GSG1L: variants seen among roughly 807,000 people sequenced by gnomAD.
GSG1L encodes the protein GSG1 like.
A neutral mutation model predicts 42.1 loss-of-function variants in GSG1L; 24 were observed. That is an observed-to-expected ratio of 0.57 (90% confidence interval 0.41 to 0.80). The LOEUF (loss-of-function observed/expected upper bound fraction) is 0.80, where lower values mean the gene tolerates loss of function less well. Ranked by LOEUF, GSG1L falls within the 30% of genes least tolerant of loss-of-function variation. The pLI is 0.00. For synonymous variants in GSG1L, 215 were observed against 203.5 expected (o/e 1.06, Z -0.48); for missense variants, 445 against 472.2 (o/e 0.94, Z 0.53).
At chr16:27,934,642 G>A (rs1230077304) in intron 2 of GSG1L, among the ~76,000 whole-genome samples, 1 of 152,208 alleles carries the variant, frequency 6.6e-6, no homozygotes, top group Non-Finnish European at 1.5e-5. Flanking sequence ...GAGACCCAGA[G>A]GAGCATGGCA....
chr16:27,935,216 C>T (rs573455543), intron 2 of GSG1L, among the ~76,000 whole-genome samples: 10 of 152,242 alleles, frequency 6.6e-5, no homozygotes, highest in African/African-American at 2.4e-4. Context: ...GCAAACAGCT[C>T]CCACCTGCCC....
At position 27,789,294 on chromosome 16, in the gene GSG1L, T is replaced by C. The variant is rs905544157; in HGVS notation, c.*2076A>G. Reference sequence around the variant, plus strand: ...CAGAAATGGATAATGGATGGATGGATGGTTGATGGATAATGGGCAGATGGA... The same window carrying C: ...CAGAAATGGATAATGGATGGATGGACGGTTGATGGATAATGGGCAGATGGA... On this transcript the variant is annotated 3_prime_UTR_variant, in exon 7 of 7. Coordinates refer to ENST00000447459, the MANE Select transcript of GSG1L (RefSeq NM_001109763.2). The C allele has an allele frequency of 6.6e-6, 1 of 151,986 alleles. No individual in the cohort carries two copies. Among genetic ancestry groups the C allele is most frequent in the Non-Finnish European group, 1.5e-5 (1 of 67,952 alleles). 9.4% of individuals were successfully genotyped at this position (151,986 alleles called of 1,614,324 possible).
At chr16:27,840,486 T>G (rs548240778) in intron 4 of GSG1L, among the ~76,000 whole-genome samples, 1 of 151,988 alleles carries the variant, frequency 6.6e-6, no homozygotes, top group Non-Finnish European at 1.5e-5. Flanking sequence ...TTGTCACAGG[T>G]AGGGAGAGCT....
Position 28,019,701 on chromosome 16 carries a change from C to T in GSG1L, c.349+43375G>A, listed in dbSNP as rs368393387. On this transcript the variant is annotated intron_variant, in intron 1 of 6. Coordinates refer to ENST00000447459, the MANE Select transcript of GSG1L (RefSeq NM_001109763.2). ...ATTACAGGACAGCTCAAGCATCAAT[C>T]GTCCAAAGGGTCACTGTAATTGTGG... is the stretch of plus-strand genomic sequence containing the variant. Among the ~76,000 whole-genome samples, 29 of 152,294 alleles carry T rather than the reference C, an allele frequency of 1.9e-4. No homozygotes were observed. In the East Asian group the frequency reaches 3.9e-3, roughly 20 times the overall value.
intron 2 of GSG1L, among the ~76,000 whole-genome samples, chr16:27,899,284 C>G (rs1418594066): frequency 6.6e-6 from 1 of 152,200 alleles, no homozygotes; most frequent in Non-Finnish European, 1.5e-5. Context: ...AAGGGCACGG[C>G]CTGGGGAGCC....
chr16:27,972,276 C>T (rs74015183), intron 1 of GSG1L, among the ~76,000 whole-genome samples: 3,822 of 152,320 alleles, frequency 0.025, 167 homozygotes, highest in African/African-American at 0.087. Context: ...GGCAGGTCAA[C>T]GCTGAGGTTT....
intron 1 of GSG1L, among the ~76,000 whole-genome samples, chr16:28,008,213 G>A (rs2085668188): frequency 6.6e-6 from 1 of 152,124 alleles, no homozygotes; most frequent in Non-Finnish European, 1.5e-5. Flanking sequence ...CCGAGTAGCT[G>A]GGACTACAGG....
At chr16:27,897,374 C>A (rs922331811) in intron 2 of GSG1L, among the ~76,000 whole-genome samples, 3 of 152,158 alleles carry the variant, frequency 2.0e-5, no homozygotes, top group Non-Finnish European at 4.4e-5. Flanking sequence ...TCACAGCTCA[C>A]TGCAACCTCC....
intron 5 of GSG1L, among the ~76,000 whole-genome samples, chr16:27,822,452 C>T (rs1019966845): frequency 6.6e-6 from 1 of 152,042 alleles, no homozygotes; most frequent in Non-Finnish European, 1.5e-5. Flanking sequence ...GTTCTTGTTC[C>T]GTAGCCCAGG....
intron 1 of GSG1L, among the ~76,000 whole-genome samples, chr16:28,005,365 C>G (rs1418315945): frequency 6.6e-6 from 1 of 152,172 alleles, no homozygotes; most frequent in African/African-American, 2.4e-5. Flanking sequence ...CTGCCCTCCT[C>G]CGCCTCCCAA....
chr16:27,959,862 G>A (rs1237009171), intron 2 of GSG1L, among the ~76,000 whole-genome samples: 2 of 152,108 alleles, frequency 1.3e-5, no homozygotes, highest in Non-Finnish European at 2.9e-5. Context: ...ACAAGATTGT[G>A]GCAGGAATCC....
chr16:27,800,845 C>G (rs1450469285), intron 6 of GSG1L, among the ~76,000 whole-genome samples: 1 of 152,220 alleles, frequency 6.6e-6, no homozygotes, highest in Non-Finnish European at 1.5e-5. Context: ...ACAAAACACT[C>G]AAGGCGCCTG....
At chr16:28,007,658 G>A (rs561861100) in intron 1 of GSG1L, among the ~76,000 whole-genome samples, 4 of 152,220 alleles carry the variant, frequency 2.6e-5, no homozygotes, top group Admixed American at 6.5e-5. Context: ...GACCACAGGT[G>A]TGCACCACCA....
chr16:27,885,414 G>A lies in GSG1L; in HGVS notation c.398-776C>T, dbSNP rs112181409. On this transcript the variant is annotated intron_variant, in intron 2 of 6. Coordinates refer to ENST00000447459, the MANE Select transcript of GSG1L (RefSeq NM_001109763.2). ...TTTGCCTGCCTCAGCCTCCCTAAGT[G>A]CTGGGATTACAGGCATGAGCCACCA... is the stretch of plus-strand genomic sequence containing the variant. 5.4e-3 allele frequency among the ~76,000 whole-genome samples: 821 copies of A among 152,300 alleles called. 12 individuals carry two copies. The highest frequency in any genetic ancestry group is 0.019 in the African/African-American group (778 of 41,568).
At chr16:27,952,291 A>C (rs2084958801) in intron 2 of GSG1L, among the ~76,000 whole-genome samples, 1 of 152,226 alleles carries the variant, frequency 6.6e-6, no homozygotes, top group Non-Finnish European at 1.5e-5. Flanking sequence ...GTGTTGAGGG[A>C]GTATCCAGCC....
chr16:27,836,688 A>G (rs2083324836), intron 4 of GSG1L, among the ~76,000 whole-genome samples: 1 of 152,180 alleles, frequency 6.6e-6, no homozygotes, highest in Non-Finnish European at 1.5e-5. Context: ...TTTTAGTTTT[A>G]AAATTGCCAT....
At chr16:27,937,963 A>G (rs1399713280) in intron 2 of GSG1L, among the ~76,000 whole-genome samples, 3 of 151,664 alleles carry the variant, frequency 2.0e-5, no homozygotes, top group African/African-American at 7.3e-5. Context: ...TGTCTGCCCC[A>G]CCTCCTAGCT....
At chr16:27,870,720 C>A (rs2083809544) in intron 3 of GSG1L, among the ~76,000 whole-genome samples, 1 of 151,526 alleles carries the variant, frequency 6.6e-6, no homozygotes, top group African/African-American at 2.4e-5. Flanking sequence ...GGGATGACTC[C>A]CCTGTTTCCC....
At chr16:27,889,378 G>A (rs779135818) in intron 2 of GSG1L, among the ~76,000 whole-genome samples, 36 of 152,100 alleles carry the variant, frequency 2.4e-4, no homozygotes, top group Non-Finnish European at 4.4e-4. Context: ...TCCAGCCAAG[G>A]AAATTAATAA....
Sources: gnomAD v4.1 joint callset for allele counts (sites outside exome capture counted in the v4.1 genomes callset) on GRCh38, gnomAD v4.1.1 for gene constraint, MANE v1.5 for transcripts, NCBI Gene and HGNC (gene_info 2026-07-23, HGNC 2026-07-21) for gene names.